MB21D2: variants seen among roughly 807,000 people sequenced by gnomAD.
MB21D2 encodes the protein Mab-21 domain containing 2.
Under a neutral mutation model 33.3 loss-of-function variants are expected in MB21D2, and 9 were observed. The ratio of observed to expected loss-of-function variants is 0.27; its 90% confidence interval spans 0.16 to 0.47. The LOEUF (loss-of-function observed/expected upper bound fraction) is 0.47, where lower values mean the gene tolerates loss of function less well. Among genes scored for constraint, MB21D2 ranks in the 20% least tolerant of loss-of-function variants. The pLI, the probability that MB21D2 is intolerant of heterozygous loss-of-function variation, is 0.99. For synonymous variants in MB21D2, 241 were observed against 236.3 expected (o/e 1.02, Z -0.18); for missense variants, 540 against 624.6 (o/e 0.86, Z 1.44).
chr3:192,798,800 T>G lies in MB21D2; in HGVS notation c.1062A>C (p.Ala354=). The G allele has an allele frequency of 6.2e-7, 1 of 1,612,562 alleles. No individual in the cohort carries two copies. Among genetic ancestry groups the G allele is most frequent in the Non-Finnish European group, 8.5e-7 (1 of 1,179,712 alleles). ...CGATGAGGCCCAGCAAAAAGTGGGC[T>G]GCATAGTCTTCTTGAGCCAAGTAGT... ...PANYLAQEDY[A]AHFLLGLIDD... The change falls in exon 2 of 2, where the codon GCA becomes GCC. Residue 354 remains alanine (A), a synonymous_variant. Coordinates refer to ENST00000392452, the MANE Select transcript of MB21D2 (RefSeq NM_178496.4). The surrounding 1 kb of genome is among the most constrained non-coding windows in gnomAD (Gnocchi z 4.8).
intron 1 of MB21D2, among the ~76,000 whole-genome samples, chr3:192,839,746 G>A (rs1712527600): frequency 1.3e-5 from 2 of 152,190 alleles, no homozygotes; most frequent in Non-Finnish European, 2.9e-5. Flanking sequence ...TTGATTCAGA[G>A]TATAGCCGCT....
intron 1 of MB21D2, among the ~76,000 whole-genome samples, chr3:192,888,435 G>A (rs1010699385): frequency 1.2e-4 from 19 of 152,022 alleles, no homozygotes; most frequent in South Asian, 4.1e-4. Flanking sequence ...AAGCACGCGC[G>A]CTCCTAAGCA....
At chr3:192,877,213 A>T (rs1045341429) in intron 1 of MB21D2, among the ~76,000 whole-genome samples, 19 of 152,216 alleles carry the variant, frequency 1.2e-4, no homozygotes, top group Non-Finnish European at 7.3e-5. Flanking sequence ...GTAACTTAAA[A>T]GATAGAAGAA....
At chr3:192,895,714 T>G (rs371507717) in intron 1 of MB21D2, among the ~76,000 whole-genome samples, 2 of 134,110 alleles carry the variant, frequency 1.5e-5, no homozygotes, top group African/African-American at 5.7e-5. Context: ...CTACTCAAGT[T>G]GTTGGGTTTT....
Position 192,886,132 on chromosome 3 carries a change from G to C in MB21D2, c.211+31498C>G, listed in dbSNP as rs980031192. On this transcript the variant is annotated intron_variant, in intron 1 of 1. Coordinates refer to ENST00000392452, the MANE Select transcript of MB21D2 (RefSeq NM_178496.4). ...CCACCTCCATGCCCGGCTAATTTTT[G>C]TATTTTTAGTAGAGACAGGGTTTCA... Among the ~76,000 whole-genome samples, 39 of 151,858 alleles carry C rather than the reference G, an allele frequency of 2.6e-4. 1 individual carries two copies. The highest frequency in any genetic ancestry group is 2.9e-5 in the Non-Finnish European group (2 of 67,988).
chr3:192,851,646 C>T (rs533056056), intron 1 of MB21D2, among the ~76,000 whole-genome samples: 2 of 144,294 alleles, frequency 1.4e-5, no homozygotes, highest in East Asian at 2.1e-4. Flanking sequence ...GGGCATGCAC[C>T]GCCATATCCC....
At chr3:192,822,289 G>T (rs1190047711) in intron 1 of MB21D2, among the ~76,000 whole-genome samples, 1 of 152,146 alleles carries the variant, frequency 6.6e-6, no homozygotes, top group Non-Finnish European at 1.5e-5. Flanking sequence ...ATACATTGGA[G>T]AGTCACTTAC....
At chr3:192,862,957 C>T (rs986381845) in intron 1 of MB21D2, among the ~76,000 whole-genome samples, 3 of 152,170 alleles carry the variant, frequency 2.0e-5, no homozygotes, top group African/African-American at 7.2e-5. Flanking sequence ...GAAGTGGCTC[C>T]TTGAGGCCTC....
chr3:192,829,697 CTGTT>C (rs1712270357), intron 1 of MB21D2, among the ~76,000 whole-genome samples: 1 of 152,152 alleles, frequency 6.6e-6, no homozygotes, highest in African/African-American at 2.4e-5. Flanking sequence ...GAGCATTCTT[CTGTT>C]TATGTTTATG....
At chr3:192,816,004 G>A (rs1421840102) in intron 1 of MB21D2, among the ~76,000 whole-genome samples, 4 of 152,100 alleles carry the variant, frequency 2.6e-5, no homozygotes, top group Non-Finnish European at 4.4e-5. Flanking sequence ...CAATAAACCT[G>A]CAGTGATGGG....
chr3:192,824,634 C>T (rs183361915), intron 1 of MB21D2, among the ~76,000 whole-genome samples: 48 of 152,144 alleles, frequency 3.2e-4, no homozygotes, highest in African/African-American at 1.1e-3. Context: ...TATAAAGAGG[C>T]GCTTGAGTTC....
At chr3:192,805,374 CTGAGT>C (rs1711639820) in intron 1 of MB21D2, among the ~76,000 whole-genome samples, 1 of 152,184 alleles carries the variant, frequency 6.6e-6, no homozygotes, top group Admixed American at 6.5e-5. Flanking sequence ...CAATAATATT[CTGAGT>C]TATTAGTACT....
intron 1 of MB21D2, among the ~76,000 whole-genome samples, chr3:192,913,641 T>C (rs1375079129): frequency 1.3e-5 from 2 of 151,556 alleles, no homozygotes; most frequent in Non-Finnish European, 2.9e-5. Flanking sequence ...CTGGGCAACA[T>C]AGTGAGACTC....
At chr3:192,882,712 T>G (rs980963451) in intron 1 of MB21D2, among the ~76,000 whole-genome samples, 2 of 151,814 alleles carry the variant, frequency 1.3e-5, no homozygotes, top group Admixed American at 1.3e-4. Flanking sequence ...ATTGGTTTAC[T>G]GCCCTACAGG....
At chr3:192,828,629 T>C (rs1256742660) in intron 1 of MB21D2, among the ~76,000 whole-genome samples, 1,003 of 39,580 alleles carry the variant, frequency 0.025, 181 homozygotes, top group African/African-American at 0.055. Flanking sequence ...TATATATATA[T>C]ATATATATAT....
intron 1 of MB21D2, among the ~76,000 whole-genome samples, chr3:192,818,521 A>G (rs540528660): frequency 2.8e-4 from 42 of 152,336 alleles, no homozygotes; most frequent in African/African-American, 9.9e-4. Flanking sequence ...TGGTTCAGAA[A>G]GTATGTGGCT....
intron 1 of MB21D2, among the ~76,000 whole-genome samples, chr3:192,916,469 T>C (rs1714468019): frequency 6.6e-6 from 1 of 152,184 alleles, no homozygotes; most frequent in African/African-American, 2.4e-5. Flanking sequence ...CCCAATCAAA[T>C]TTTTCAACAC....
intron 1 of MB21D2, among the ~76,000 whole-genome samples, chr3:192,899,585 A>G (rs141743783): frequency 0.023 from 3,495 of 152,334 alleles, 49 homozygotes; most frequent in Middle Eastern, 0.054. Flanking sequence ...GCGTACTTAA[A>G]GGATGACTCA....
At chr3:192,862,591 C>CA (rs1228475197) in intron 1 of MB21D2, among the ~76,000 whole-genome samples, 1 of 152,090 alleles carries the variant, frequency 6.6e-6, no homozygotes, top group East Asian at 1.9e-4. Context: ...TCCTGCAAAA[C>CA]AGGTATGTTC....
Sources: allele counts gnomAD v4.1 joint callset (sites outside exome capture counted in the v4.1 genomes callset), GRCh38; gene constraint gnomAD v4.1.1; non-coding constraint Gnocchi (gnomAD v3.1); transcripts MANE v1.5; gene names NCBI Gene and HGNC (gene_info 2026-07-23, HGNC 2026-07-21).